ESR2: variants seen among roughly 807,000 people sequenced by gnomAD.
ESR2 encodes the protein estrogen receptor 2.
Under a neutral mutation model 49.6 loss-of-function variants are expected in ESR2, and 36 were observed. The observed-to-expected ratio is 0.73, with a 90% CI of 0.56 to 0.96. The LOEUF (loss-of-function observed/expected upper bound fraction) is 0.96. Among genes scored for constraint, ESR2 ranks in the 40% least tolerant of loss-of-function variants. The pLI is 0.00. For missense variants in ESR2, 714 were observed against 693.0 expected (o/e 1.03, Z -0.34); for synonymous variants, 320 against 266.1 (o/e 1.20, Z -1.97).
intron 1 of ESR2, among the ~76,000 whole-genome samples, chr14:64,310,205 G>A (rs1274081965): frequency 2.6e-5 from 4 of 151,138 alleles, no homozygotes; most frequent in Non-Finnish European, 5.9e-5. Flanking sequence ...TCTGGGAGGC[G>A]GAGGTTGCAG....
At chr14:64,336,359 TACTA>T (rs940858226) in intron 1 of ESR2, 1 of 152,224 alleles carries the variant, frequency 6.6e-6, no homozygotes, top group African/African-American at 2.4e-5. Flanking sequence ...ACTGTTTCCT[TACTA>T]ACTTTATGTA....
At chr14:64,283,546 G>A (rs2076723586) in intron 1 of ESR2, among the ~76,000 whole-genome samples, 1 of 151,902 alleles carries the variant, frequency 6.6e-6, no homozygotes. Flanking sequence ...ATTACTTGAG[G>A]TCAGGAGTTC....
rs1481617898 is a variant in ESR2, at chr14:64,233,227, G to A, written c.1503C>T (p.Arg501=). 10 of 1,614,008 alleles carry A rather than the reference G, an allele frequency of 6.2e-6. No individual in the cohort carries two copies. The African/African-American group carries it at 8.0e-5, about 13-fold the overall frequency. ...LLEMLNAHVL[R]GCKSSITGSE... ...ACCCCGTGATGGAGGACTTGCACCC[G>A]CGAAGCACGTGGGCATTCAGCATCT... Residue 501 remains arginine, a synonymous_variant, in exon 9 of 9, where the codon CGC becomes CGT. Transcript: ENST00000341099.
chr14:64,256,539 G>GA (rs2076099253), intron 6 of ESR2, among the ~76,000 whole-genome samples: 2 of 152,098 alleles, frequency 1.3e-5, no homozygotes, highest in Admixed American at 6.5e-5. Flanking sequence ...GACCAGCCTG[G>GA]CCAACATGGT....
rs192447334 is a variant in ESR2 at position 64,316,672 on chromosome 14, G to T, written c.-91+21226C>A. 5.3e-5 allele frequency among the ~76,000 whole-genome samples: 8 copies of T among 152,086 alleles called. No homozygotes were observed. The East Asian group carries it at 1.6e-3, about 30-fold the overall frequency. ...AAAAATACAAAAATTAGTCAGGCAT[G>T]GTGGCACGCACCTGTGGTACCAGCT... On this transcript the variant is annotated intron_variant, in intron 1 of 8. Coordinates refer to the ESR2 transcript ENST00000358599.
At chr14:64,264,599 T>G (rs1281742715) in intron 4 of ESR2, among the ~76,000 whole-genome samples, 10 of 152,150 alleles carry the variant, frequency 6.6e-5, no homozygotes, top group Admixed American at 6.5e-4. Context: ...CTAGGCAAGG[T>G]GGCTCATGCC....
intron 6 of ESR2, among the ~76,000 whole-genome samples, chr14:64,253,601 T>TGTGTGTGTGC (rs2076035974): frequency 7.0e-6 from 1 of 143,394 alleles, no homozygotes; most frequent in Admixed American, 7.1e-5. Flanking sequence ...TGTGTGTGTG[T>TGTGTGTGTGC]GTGTATGTAT....
chr14:64,241,339 A>G (rs554695043), intron 7 of ESR2, among the ~76,000 whole-genome samples: 23 of 152,214 alleles, frequency 1.5e-4, no homozygotes, highest in South Asian at 4.1e-4. Context: ...CCATTGATCT[A>G]TTTGTTTCTG....
chr14:64,260,735 C>G lies in ESR2; in HGVS notation c.666G>C (p.Glu222Asp). Reference sequence around the variant, plus strand: ...TCCGCACAAGGCGGTACCCACATCTCTCTCTCCGGGAGCCTGAAGAGGAAA... The same window carrying G: ...TCCGCACAAGGCGGTACCCACATCTGTCTCTCCGGGAGCCTGAAGAGGAAA... The part of the protein sequence containing the change: ...VGMVKCGSRR[E>D]RCGYRLVRRQ... Residue 222 changes from glutamate (E) to aspartate (D), a missense_variant, in exon 5 of 9, where the codon GAG (glutamate) becomes GAC (aspartate). Glu to Asp is a conservative substitution (Grantham distance 45). Coordinates refer to ENST00000341099, the MANE Select transcript of ESR2 (RefSeq NM_001437.3). The G allele has an allele frequency of 6.7e-7, 1 of 1,499,684 alleles. No individual in the cohort carries two copies. Among genetic ancestry groups the G allele is most frequent in the African/African-American group, 1.4e-5 (1 of 70,854 alleles). 92.9% of individuals were successfully genotyped at this position (1,499,684 alleles called of 1,614,324 possible).
intron 2 of ESR2, among the ~76,000 whole-genome samples, chr14:64,282,144 G>C (rs1046758646): frequency 6.6e-6 from 1 of 152,194 alleles, no homozygotes; most frequent in Admixed American, 6.5e-5. Flanking sequence ...AGGAGTTCAA[G>C]ACCAGCCTAG....
Position 64,307,292 on chromosome 14 carries a change from A to C in ESR2, c.-90-24217T>G, listed in dbSNP as rs542339603. On this transcript the variant is annotated intron_variant, in intron 1 of 8. Coordinates refer to the ESR2 transcript ENST00000358599. ...AGTGGCACGATCTCGGCTCACTGCA[A>C]CCTCTGCCTCCTGGGTTCAAGTGAT... Among the ~76,000 whole-genome samples, 18 of 151,690 alleles carry C rather than the reference A, an allele frequency of 1.2e-4. No homozygotes were observed. The South Asian group carries it at 3.8e-3, about 32-fold the overall frequency.
intron 1 of ESR2, among the ~76,000 whole-genome samples, chr14:64,312,207 A>T (rs1196650981): frequency 6.6e-6 from 1 of 152,184 alleles, no homozygotes; most frequent in African/African-American, 2.4e-5. Context: ...AGCTATACCA[A>T]ATATATATGT....
chr14:64,240,537 T>C (rs1471165973), intron 7 of ESR2, among the ~76,000 whole-genome samples: 1 of 152,204 alleles, frequency 6.6e-6, no homozygotes, highest in South Asian at 2.1e-4. Flanking sequence ...TACAGATTCA[T>C]CCAGGTATAC....
chr14:64,280,237 T>A, intron 2 of ESR2, 84 bp from the exon 3 acceptor site: 2 of 963,810 alleles, frequency 2.1e-6, no homozygotes, highest in Non-Finnish European at 3.2e-6. Context: ...GCATGAACAT[T>A]GCCTAATTTA....
chr14:64,242,180 C>A (rs559430257), intron 7 of ESR2, among the ~76,000 whole-genome samples: 2 of 152,070 alleles, frequency 1.3e-5, no homozygotes, highest in East Asian at 3.9e-4. Context: ...GAGGCCAAGG[C>A]GGGTGGATCA....
intron 1 of ESR2, among the ~76,000 whole-genome samples, chr14:64,325,144 G>A (rs889683240): frequency 1.9e-4 from 29 of 152,150 alleles, no homozygotes; most frequent in African/African-American, 6.0e-4. Flanking sequence ...GGAGAATCCC[G>A]TTTCCTTGCC....
chr14:64,322,988 C>A (rs2077343074), intron 1 of ESR2, among the ~76,000 whole-genome samples: 1 of 152,048 alleles, frequency 6.6e-6, no homozygotes, highest in Non-Finnish European at 1.5e-5. Context: ...TAAGATACAA[C>A]CATGAGGCAC....
At chr14:64,228,019 G>A (rs1164570801), downstream of ESR2, 3 of 1,510,082 alleles carry the variant, frequency 2.0e-6, no homozygotes, top group Middle Eastern at 1.7e-4. Context: ...ACTTTTGTGA[G>A]CTGCATTTTA....
At chr14:64,272,006 T>C (rs1386685699) in intron 3 of ESR2, among the ~76,000 whole-genome samples, 1 of 152,248 alleles carries the variant, frequency 6.6e-6, no homozygotes, top group East Asian at 1.9e-4. Flanking sequence ...GTTGTACTAA[T>C]TTACAATCTG....
Sources: gnomAD v4.1 joint callset for allele counts (sites outside exome capture counted in the v4.1 genomes callset) on GRCh38, gnomAD v4.1.1 for gene constraint, MANE v1.5 for transcripts, NCBI Gene and HGNC (gene_info 2026-07-23, HGNC 2026-07-21) for gene names.